The following NRBF2 variants were observed in gnomAD, a reference collection of about 807,000 sequenced individuals.
NRBF2 encodes nuclear receptor-binding factor 2.
A neutral mutation model predicts 28.5 loss-of-function variants in NRBF2; 12 were observed. The ratio of observed to expected loss-of-function variants is 0.42; its 90% CI spans 0.27 to 0.68. NRBF2 has a LOEUF of 0.68. NRBF2 is among the 30% of genes least tolerant of loss of function. The pLI is 0.24. For missense variants in NRBF2, 274 were observed against 333.5 expected (o/e 0.82, Z 1.39); for synonymous variants, 102 against 116.5 (o/e 0.88, Z 0.80).
In NRBF2 at chr10:63,133,362, CAG is replaced by C. The variant is rs1841317597; in HGVS notation, c.-104_-103del. 2 of 1,307,036 alleles carry C rather than the reference CAG, an allele frequency of 1.5e-6. No individual in the cohort carries two copies. Among genetic ancestry groups the C allele is most frequent in the South Asian group, 2.4e-5 (2 of 81,728 alleles). 81.0% of individuals were successfully genotyped at this position (1,307,036 alleles called of 1,614,324 possible). On this transcript the variant is annotated 5_prime_UTR_variant, in exon 1 of 4. Coordinates refer to ENST00000277746, the MANE Select transcript of NRBF2 (RefSeq NM_030759.5). ...GCGCCTATCGCTGGCTCTTGGGGCGCAGAGAGGGGCCGCAGTCTCCGCGGCTG... is the reference window on the plus strand; with the variant it reads ...GCGCCTATCGCTGGCTCTTGGGGCGCAGAGGGGCCGCAGTCTCCGCGGCTG...
Position 63,146,424 on chromosome 10 carries a change from CAAGT to C in NRBF2, c.115+136_115+139del, listed in dbSNP as rs548464289. ...CAGAATATCAGCTTTGATTATTTTT[CAAGT>C]AAGTGTGTTGGATTTCCCAGCTCCT... is the stretch of plus-strand genomic sequence containing the variant. On this transcript the variant is annotated intron_variant, in intron 2 of 3. Transcript: ENST00000277746. 8.8e-4 allele frequency: 532 copies of C among 602,098 alleles called. 1 individual carries two copies. The highest frequency in any genetic ancestry group is 1.2e-3 in the Non-Finnish European group (424 of 351,390). The allele number at this position is 602,098 out of a possible 1,614,324, so 37.3% of individuals were successfully genotyped here.
intron 3 of NRBF2, among the ~76,000 whole-genome samples, chr10:63,153,215 A>G (rs1042058836): frequency 6.6e-6 from 1 of 152,180 alleles, no homozygotes; most frequent in Non-Finnish European, 1.5e-5. Flanking sequence ...CACGCGGTTG[A>G]TAGGAAGACT....
At chr10:63,143,238 T>C (rs1841502892) in intron 1 of NRBF2, among the ~76,000 whole-genome samples, 2 of 152,198 alleles carry the variant, frequency 1.3e-5, no homozygotes, top group African/African-American at 2.4e-5. Context: ...CCTACAAAAA[T>C]AGAAGTGGGG....
At chr10:63,139,312 C>G (rs544971186) in intron 1 of NRBF2, among the ~76,000 whole-genome samples, 35 of 152,230 alleles carry the variant, frequency 2.3e-4, no homozygotes, top group African/African-American at 8.4e-4. Context: ...CACGCCTGGC[C>G]TGGTGTTCCT....
intron 1 of NRBF2, 33 bp downstream of exon 1, chr10:63,133,533 G>C (rs1841321631): frequency 6.5e-7 from 1 of 1,538,976 alleles, no homozygotes; most frequent in Admixed American, 1.7e-5. Context: ...CGTTCGTCTT[G>C]GGTGCCTTTG....
intron 1 of NRBF2, among the ~76,000 whole-genome samples, chr10:63,142,348 G>T (rs1054341098): frequency 6.9e-6 from 1 of 145,010 alleles, no homozygotes; most frequent in Non-Finnish European, 1.5e-5. Context: ...TTGTTGCCCA[G>T]GCTGGAGTGC....
At chr10:63,149,766 T>G (rs1405033423) in intron 2 of NRBF2, among the ~76,000 whole-genome samples, 1 of 152,192 alleles carries the variant, frequency 6.6e-6, no homozygotes, top group East Asian at 1.9e-4. Context: ...GGGTGGCATT[T>G]CAGTTGGCTA....
rs545132818 is a variant in NRBF2 at position 63,153,593 on chromosome 10, G to A, written c.239G>A (p.Arg80His). 45 of 1,611,940 alleles carry A rather than the reference G, an allele frequency of 2.8e-5. No individual in the cohort carries two copies. The highest frequency in any genetic ancestry group is 5.0e-5 in the Admixed American group (3 of 60,010). Reference sequence around the variant, plus strand: ...CAAGAGAGATGGAAAAGGGCCCAGCGTGAAGAAAGATTGAAAGCCCAGCAG... The same window carrying A: ...CAAGAGAGATGGAAAAGGGCCCAGCATGAAGAAAGATTGAAAGCCCAGCAG... ...LIQERWKRAQ[R>H]EERLKAQQNT... Residue 80 changes from arginine (R) to histidine (H), a missense_variant, in exon 4 of 4, where the codon CGT becomes CAT. Coordinates refer to ENST00000277746, the MANE Select transcript of NRBF2 (RefSeq NM_030759.5).
At chr10:63,153,103 CAAACTG>C (rs1478124713) in intron 3 of NRBF2, among the ~76,000 whole-genome samples, 1 of 152,222 alleles carries the variant, frequency 6.6e-6, no homozygotes, top group Non-Finnish European at 1.5e-5. Context: ...ACTAGTTTCT[CAAACTG>C]AACCAAGGGA....
chr10:63,150,704 T>C (rs923933339), intron 2 of NRBF2, among the ~76,000 whole-genome samples: 1 of 152,246 alleles, frequency 6.6e-6, no homozygotes, highest in East Asian at 1.9e-4. Flanking sequence ...TATTTTACAA[T>C]GTAATAATAG....
chr10:63,151,127 C>CA (rs1048779187), intron 2 of NRBF2, among the ~76,000 whole-genome samples: 3 of 152,096 alleles, frequency 2.0e-5, no homozygotes, highest in African/African-American at 7.2e-5. Flanking sequence ...ACCTAGCAGG[C>CA]AAGAACTCTT....
chr10:63,144,478 G>A (rs1313558527), intron 1 of NRBF2, among the ~76,000 whole-genome samples: 4 of 150,048 alleles, frequency 2.7e-5, no homozygotes, highest in African/African-American at 4.9e-5. Context: ...GGAGTGGCGC[G>A]ATCTCGGCTC....
Position 63,153,901 on chromosome 10 carries a change from G to A in NRBF2, c.547G>A (p.Glu183Lys), listed in dbSNP as rs749474892. 3 of 1,611,988 alleles carry A rather than the reference G, an allele frequency of 1.9e-6. No individual in the cohort carries two copies. Among genetic ancestry groups the A allele is most frequent in the Non-Finnish European group, 1.7e-6 (2 of 1,179,808 alleles). Residue 183 changes from glutamate to lysine, a missense_variant, in exon 4 of 4, where the codon GAA becomes AAA. Coordinates refer to ENST00000277746, the MANE Select transcript of NRBF2 (RefSeq NM_030759.5). ...TKIADLKRHV[E>K]FLVAENERLR... ...AATTGCAGATTTGAAGAGGCATGTG[G>A]AATTCCTTGTGGCTGAGAATGAAAG...
chr10:63,147,443 C>T (rs532473386), intron 2 of NRBF2, among the ~76,000 whole-genome samples: 1 of 151,904 alleles, frequency 6.6e-6, no homozygotes, highest in South Asian at 2.1e-4. Flanking sequence ...GCCTCAGCCT[C>T]CCGAGTAGCT....
chr10:63,141,067 T>G (rs1468160188), intron 1 of NRBF2, among the ~76,000 whole-genome samples: 1 of 152,132 alleles, frequency 6.6e-6, no homozygotes, highest in Admixed American at 6.5e-5. Flanking sequence ...AGTTTTAATA[T>G]GTGTAAACTG....
intron 1 of NRBF2, among the ~76,000 whole-genome samples, chr10:63,134,025 C>G (rs926946073): frequency 6.8e-6 from 1 of 146,948 alleles, no homozygotes; most frequent in African/African-American, 2.5e-5. Flanking sequence ...CCCTCCACTT[C>G]CCCCTCATTT....
chr10:63,143,699 G>A lies in NRBF2; in HGVS notation c.31-2510G>A, dbSNP rs976504471. On this transcript the variant is annotated intron_variant, in intron 1 of 3. Coordinates refer to ENST00000277746, the MANE Select transcript of NRBF2 (RefSeq NM_030759.5). ...ACTCCTGACCTCAGATGATCCACCCGCCTTGGCCTCCGCAAGTGTTGGGAT... is the reference window on the plus strand; with the variant it reads ...ACTCCTGACCTCAGATGATCCACCCACCTTGGCCTCCGCAAGTGTTGGGAT... Among the ~76,000 whole-genome samples the A allele has an allele frequency of 5.3e-5, 8 of 150,544 alleles. No homozygotes were observed. The East Asian group carries it at 1.4e-3, about 26-fold the overall frequency.
At chr10:63,141,074 A>T (rs1321711909) in intron 1 of NRBF2, among the ~76,000 whole-genome samples, 1 of 152,178 alleles carries the variant, frequency 6.6e-6, no homozygotes, top group Non-Finnish European at 1.5e-5. Flanking sequence ...ATATGTGTAA[A>T]CTGTAAAAGT....
At chr10:63,149,154 G>A (rs1841608136) in intron 2 of NRBF2, among the ~76,000 whole-genome samples, 1 of 152,198 alleles carries the variant, frequency 6.6e-6, no homozygotes, top group East Asian at 1.9e-4. Flanking sequence ...ACAGAGTCTT[G>A]CTCTGTTGCT....
Sources: allele counts gnomAD v4.1 joint callset (sites outside exome capture counted in the v4.1 genomes callset), GRCh38; gene constraint gnomAD v4.1.1; transcripts MANE v1.5; gene names NCBI Gene and HGNC (gene_info 2026-07-23, HGNC 2026-07-21).